MAD1L1: variants seen among roughly 807,000 people sequenced by gnomAD.
MAD1L1 encodes mitotic spindle assembly checkpoint protein MAD1.
MAD1L1 carries 95 observed loss-of-function variants against 96.9 expected under a neutral mutation model. That is an observed-to-expected ratio of 0.98 (90% CI 0.83 to 1.16). The LOEUF (loss-of-function observed/expected upper bound fraction) is 1.16, where lower values mean the gene tolerates loss of function less well. MAD1L1 is among the 50% of genes most tolerant of loss of function. MAD1L1 has a pLI of 0.00. For synonymous variants in MAD1L1, 473 were observed against 396.6 expected (o/e 1.19, Z -2.29); for missense variants, 1,007 against 954.4 (o/e 1.06, Z -0.73).
chr7:2,216,951 C>T (rs1793314986), intron 7 of MAD1L1, among the ~76,000 whole-genome samples: 1 of 152,152 alleles, frequency 6.6e-6, no homozygotes, highest in African/African-American at 2.4e-5. Context: ...CTTCCCAGCG[C>T]CGACCTCCCA....
Position 2,031,915 on chromosome 7 carries a change from C to CA in MAD1L1, c.1219-17274dup, listed in dbSNP as rs552212268. 1.4e-4 allele frequency among the ~76,000 whole-genome samples: 21 copies of CA among 152,388 alleles called. No homozygotes were observed. The South Asian group carries it at 4.1e-3, about 30-fold the overall frequency. On this transcript the variant is annotated intron_variant, in intron 12 of 18. Transcript: ENST00000265854. Reference sequence around the variant, plus strand: ...GGGGCCACTACTCAGCCTGAGCAGTCAGACGGGTTCCTTTCCTCTCTAGGC... The same window carrying CA: ...GGGGCCACTACTCAGCCTGAGCAGTCAAGACGGGTTCCTTTCCTCTCTAGGC...
chr7:1,859,500 T>C (rs1230953192), intron 18 of MAD1L1, among the ~76,000 whole-genome samples: 1 of 152,194 alleles, frequency 6.6e-6, no homozygotes. Flanking sequence ...GCGGAGCGCA[T>C]CCCACCTGGA....
At chr7:2,055,497 C>T (rs979907412) in intron 12 of MAD1L1, among the ~76,000 whole-genome samples, 3 of 152,016 alleles carry the variant, frequency 2.0e-5, no homozygotes, top group Non-Finnish European at 4.4e-5. Context: ...CAGATTTCCA[C>T]GATCTCTACA....
intron 16 of MAD1L1, among the ~76,000 whole-genome samples, chr7:1,947,790 G>T (rs942342128): frequency 1.3e-5 from 2 of 152,258 alleles, no homozygotes; most frequent in Admixed American, 6.5e-5. Context: ...GCAGCGGCCT[G>T]ACCTTGGGCA....
chr7:2,060,273 G>GCCGAGATACGCCGATC (rs879690597), intron 12 of MAD1L1, among the ~76,000 whole-genome samples: 84 of 126,804 alleles, frequency 6.6e-4, no homozygotes, highest in African/African-American at 2.0e-3. Context: ...ATACGCCGAT[G>GCCGAGATACGCCGATC]CCGAGATACG....
At chr7:2,101,269 C>G (rs111638096) in intron 11 of MAD1L1, among the ~76,000 whole-genome samples, 1 of 142,126 alleles carries the variant, frequency 7.0e-6, no homozygotes, top group African/African-American at 2.8e-5. Context: ...GTGCCTGGCG[C>G]GAGACTGGGG....
rs542492105 is a variant in MAD1L1 at position 2,060,257 on chromosome 7, G to A, written c.1218+8937C>T. ...TACGCCGATGCCGAGATACGCCGAT[G>A]CCGAGATACGCCGATGCCGAGATAC... is the stretch of plus-strand genomic sequence containing the variant. On this transcript the variant is annotated intron_variant, in intron 12 of 18. Transcript: ENST00000265854. Among the ~76,000 whole-genome samples, 730 of 144,546 alleles carry A rather than the reference G, an allele frequency of 5.1e-3. 6 individuals are homozygous for A. The highest frequency in any genetic ancestry group is 8.3e-3 in the Non-Finnish European group (532 of 64,294). The allele number at this position is 144,546 out of a possible 152,430, so 94.8% of individuals were successfully genotyped here.
In MAD1L1 at chr7:1,816,034, G is replaced by A. The variant is rs1247674902; in HGVS notation, c.*36C>T. ...GCAGGGGACCTGCAGGTCAGGCCAA[G>A]CAGAGTGGCTCCGGCTATGCCCCCG... is the stretch of plus-strand genomic sequence containing the variant. On this transcript the variant is annotated 3_prime_UTR_variant, in exon 19 of 19. Transcript: ENST00000265854. 12 of 1,570,958 alleles carry A rather than the reference G, an allele frequency of 7.6e-6. No homozygotes were observed. Among genetic ancestry groups the A allele is most frequent in the East Asian group, 2.3e-5 (1 of 43,866 alleles).
intron 16 of MAD1L1, 132 bp downstream of exon 16, chr7:1,957,497 G>C: frequency 3.4e-6 from 3 of 878,778 alleles, no homozygotes; most frequent in Non-Finnish European, 5.3e-6. Flanking sequence ...GGTGCACATG[G>C]GAGGGAGGAG....
At chr7:1,847,891 C>T (rs1783731841) in intron 18 of MAD1L1, 18 of 362,320 alleles carry the variant, frequency 5.0e-5, no homozygotes, top group South Asian at 3.7e-4. Flanking sequence ...ACCTGCAATG[C>T]TCCCACTCTC....
intron 3 of MAD1L1, among the ~76,000 whole-genome samples, chr7:2,226,607 T>A (rs1179359212): frequency 2.6e-5 from 4 of 152,204 alleles, no homozygotes; most frequent in African/African-American, 9.7e-5. Flanking sequence ...CACTGACTCT[T>A]CACGTGGCCC....
chr7:2,186,188 T>C (rs1181592060), intron 10 of MAD1L1, among the ~76,000 whole-genome samples: 1 of 152,242 alleles, frequency 6.6e-6, no homozygotes, highest in Non-Finnish European at 1.5e-5. Flanking sequence ...TCATACTCTA[T>C]GTCTTAGCAT....
At chr7:1,929,620 C>A (rs558942389) in intron 17 of MAD1L1, among the ~76,000 whole-genome samples, 1 of 152,184 alleles carries the variant, frequency 6.6e-6, no homozygotes, top group African/African-American at 2.4e-5. Context: ...CTTCTCTGAC[C>A]GGAGGTCTGG....
intron 15 of MAD1L1, among the ~76,000 whole-genome samples, chr7:1,977,336 C>G (rs947221222): frequency 1.3e-5 from 2 of 152,372 alleles, no homozygotes; most frequent in Middle Eastern, 3.4e-3. Flanking sequence ...ACCCAGTGCA[C>G]CCTCCGCAGC....
At chr7:1,930,865 G>A (rs924387664) in intron 17 of MAD1L1, among the ~76,000 whole-genome samples, 3 of 152,098 alleles carry the variant, frequency 2.0e-5, no homozygotes, top group Admixed American at 6.5e-5. Flanking sequence ...GGTCTCTCTC[G>A]TGACCCAGGA....
chr7:1,907,104 G>A (rs747863256), intron 17 of MAD1L1, among the ~76,000 whole-genome samples: 6 of 151,960 alleles, frequency 3.9e-5, no homozygotes, highest in Non-Finnish European at 8.8e-5. Flanking sequence ...TTCAGCCTGC[G>A]AGGGGCGGTG....
At chr7:1,996,788 G>A (rs943650026) in intron 14 of MAD1L1, among the ~76,000 whole-genome samples, 3 of 152,170 alleles carry the variant, frequency 2.0e-5, no homozygotes, top group African/African-American at 7.2e-5. Flanking sequence ...AGCTGAGAGC[G>A]GCGTAATTCC....
intron 17 of MAD1L1, among the ~76,000 whole-genome samples, chr7:1,929,409 G>C (rs994374850): frequency 6.6e-6 from 1 of 152,180 alleles, no homozygotes; most frequent in Non-Finnish European, 1.5e-5. Context: ...ACGTGGCAGG[G>C]GGGCTGAGTG....
At chr7:2,185,962 A>G (rs999347625) in intron 10 of MAD1L1, among the ~76,000 whole-genome samples, 30 of 152,258 alleles carry the variant, frequency 2.0e-4, no homozygotes, top group Admixed American at 1.1e-3. Context: ...CAGGGCAGAC[A>G]GATGAGCCTG....
Sources: allele counts gnomAD v4.1 joint callset (sites outside exome capture counted in the v4.1 genomes callset), GRCh38; gene constraint gnomAD v4.1.1; transcripts MANE v1.5; gene names NCBI Gene and HGNC (gene_info 2026-07-23, HGNC 2026-07-21).